FAM161A: variants seen among roughly 807,000 people sequenced by gnomAD.
FAM161A encodes the protein protein FAM161A.
In FAM161A, 57 loss-of-function variants were observed where a neutral mutation model predicts 70.9. The observed-to-expected ratio is 0.80, with a 90% confidence interval of 0.65 to 1.00. The LOEUF (loss-of-function observed/expected upper bound fraction) is 1.00, where lower values mean the gene tolerates loss of function less well. Among genes scored for constraint, FAM161A ranks in the 50% least tolerant of loss-of-function variants. The pLI is 0.00. For missense variants in FAM161A, 880 were observed against 836.0 expected (o/e 1.05, Z -0.65); for synonymous variants, 299 against 295.7 (o/e 1.01, Z -0.12).
At chr2:61,829,212 T>C (rs79689293) in intron 5 of FAM161A, among the ~76,000 whole-genome samples, 177 of 152,340 alleles carry the variant, frequency 1.2e-3, no homozygotes, top group Non-Finnish European at 2.2e-3. Flanking sequence ...TCCTAGGTCT[T>C]TTATATTACA....
At chr2:61,804,696 A>AAGAGAG in the FAM161A span, among the ~76,000 whole-genome samples, 1 of 149,890 alleles carries the variant, frequency 6.7e-6, no homozygotes. Flanking sequence ...AGAGAGAAGA[A>AAGAGAG]AGAGAGAGAG....
At chr2:61,832,804 C>A (rs572207276) in intron 5 of FAM161A, among the ~76,000 whole-genome samples, 1 of 152,216 alleles carries the variant, frequency 6.6e-6, no homozygotes, top group East Asian at 1.9e-4. Context: ...TGAAATGATC[C>A]ATTTCCCGAT....
intron 5 of FAM161A, among the ~76,000 whole-genome samples, chr2:61,827,933 T>C (rs967836382): frequency 6.6e-6 from 1 of 152,194 alleles, no homozygotes; most frequent in Non-Finnish European, 1.5e-5. Context: ...ACAACATGGA[T>C]AGATCTCACA....
At chr2:61,843,443 T>C (rs555966669) in intron 1 of FAM161A, among the ~76,000 whole-genome samples, 3 of 152,328 alleles carry the variant, frequency 2.0e-5, no homozygotes, top group South Asian at 2.1e-4. Flanking sequence ...GTTCTTTTAA[T>C]TGAAGCAACT....
intron 4 of FAM161A, 79 bp downstream of exon 4, chr2:61,838,459 C>T (rs776063642): frequency 1.9e-5 from 23 of 1,191,096 alleles, no homozygotes; most frequent in Admixed American, 6.4e-5. Flanking sequence ...TCAATCTGCT[C>T]ATATTTTACT....
chr2:61,816,795 C>T, the FAM161A span, among the ~76,000 whole-genome samples: 1 of 152,064 alleles, frequency 6.6e-6, no homozygotes, highest in Admixed American at 6.6e-5. Flanking sequence ...AGCAAATGAC[C>T]CTTCATTCTC....
Position 61,824,880 on chromosome 2 carries a change from G to T in FAM161A, c.*1575C>A, listed in dbSNP as rs569433670. On this transcript the variant is annotated 3_prime_UTR_variant, in exon 7 of 7. Coordinates refer to ENST00000404929, the MANE Select transcript of FAM161A (RefSeq NM_001201543.2). ...ACACACTCATTCAAACCTTTATTAA[G>T]TACCTACCATATGTACAATACTGTT... is the stretch of plus-strand genomic sequence containing the variant. 81 of 428,016 alleles carry T rather than the reference G, an allele frequency of 1.9e-4. No homozygotes were observed. The highest frequency in any genetic ancestry group is 1.6e-3 in the African/African-American group (77 of 48,478). 26.5% of individuals were successfully genotyped at this position (428,016 alleles called of 1,614,324 possible). A position where few individuals can be genotyped will look rare whatever the true frequency, so the allele number is the denominator to read the frequency against.
At chr2:61,804,588 G>A in the FAM161A span, among the ~76,000 whole-genome samples, 1 of 151,834 alleles carries the variant, frequency 6.6e-6, no homozygotes, top group Non-Finnish European at 1.5e-5. Flanking sequence ...GGGAGGCTGA[G>A]GCAGGAGAAT....
rs773318148 is a variant in FAM161A, at chr2:61,839,817, G to C, written c.1187C>G (p.Ser396Cys). Residue 396 changes from serine to cysteine, a missense_variant, in exon 3 of 7, where the codon TCT becomes TGT. Transcript: ENST00000404929. ...LRAQEHLQNS[S>C]PLPCRSACGC... ...ACAAGCTGACCTACAAGGCAGAGGA[G>C]ATGAGTTCTGTAAATGCTCCTGGGC... is the stretch of plus-strand genomic sequence containing the variant. 1.2e-6 allele frequency: 2 copies of C among 1,614,208 alleles called. No individual in the cohort carries two copies. Among genetic ancestry groups the C allele is most frequent in the Non-Finnish European group, 1.7e-6 (2 of 1,180,034 alleles).
At chr2:61,849,862 A>C (rs1419094366) in intron 1 of FAM161A, among the ~76,000 whole-genome samples, 3 of 5,516 alleles carry the variant, frequency 5.4e-4, no homozygotes, top group Non-Finnish European at 8.7e-4. Flanking sequence ...ATCTTAAACA[A>C]ATTAACAGAA....
At chr2:61,821,973 T>C (rs1275438948), downstream of FAM161A, among the ~76,000 whole-genome samples, 7 of 151,884 alleles carry the variant, frequency 4.6e-5, no homozygotes, top group Middle Eastern at 6.8e-3. Context: ...TTTACCATGT[T>C]GGTCAGGCTG....
chr2:61,802,592 G>T, the FAM161A span, among the ~76,000 whole-genome samples: 1 of 152,164 alleles, frequency 6.6e-6, no homozygotes, highest in African/African-American at 2.4e-5. Flanking sequence ...AAGTGGACTA[G>T]CTTGGGACAT....
the FAM161A span, among the ~76,000 whole-genome samples, chr2:61,816,885 G>T: frequency 6.6e-6 from 1 of 152,178 alleles, no homozygotes; most frequent in Non-Finnish European, 1.5e-5. Context: ...CAGAGAGGAA[G>T]CAGGGAAAGC....
chr2:61,837,786 A>G (rs1672831011), intron 4 of FAM161A, among the ~76,000 whole-genome samples: 1 of 152,196 alleles, frequency 6.6e-6, no homozygotes, highest in African/African-American at 2.4e-5. Context: ...TCCTAAGGGT[A>G]AGTAATCTAT....
intron 6 of FAM161A, 116 bp from the exon 7 acceptor site, chr2:61,826,715 A>G: frequency 1.2e-6 from 1 of 852,380 alleles, no homozygotes; most frequent in Admixed American, 2.9e-5. Context: ...ATGAATTCCA[A>G]TTTGTTACCA....
the FAM161A span, among the ~76,000 whole-genome samples, chr2:61,815,595 G>C: frequency 7.7e-6 from 1 of 129,864 alleles, no homozygotes; most frequent in South Asian, 2.4e-4. Context: ...CTGTCACCCA[G>C]GCTGGAGTGC....
At position 61,838,693 on chromosome 2, in the gene FAM161A, C is replaced by G; in HGVS notation, c.1596G>C (p.Glu532Asp). The change falls in exon 4 of 7, where the codon GAG becomes GAC. Residue 532 changes from glutamate to aspartate, a missense_variant. Physicochemically the swap from Glu to Asp is conservative, Grantham distance 45. Coordinates refer to ENST00000404929, the MANE Select transcript of FAM161A (RefSeq NM_001201543.2). ...TCTCTTCTTCCAACATTTTCTTTTC[C>G]TCAAGTGATCTCCTGAGGGTAACAA... ...GREQAVRRSL[E>D]EKKMLEEERN... 2.5e-6 allele frequency: 4 copies of G among 1,607,438 alleles called. No homozygotes were observed. The highest frequency in any genetic ancestry group is 2.5e-6 in the Non-Finnish European group (3 of 1,177,474).
chr2:61,839,282 ATATAT>A (rs3074535), intron 3 of FAM161A, 134 bp downstream of exon 3: 302,351 of 740,372 alleles, frequency 0.41, 63,902 homozygotes, highest in East Asian at 0.7. Context: ...ACAAAATATC[ATATAT>A]TATATAGTAA....
intron 2 of FAM161A, 145 bp from the exon 3 acceptor site, chr2:61,840,726 C>T (rs1672991167): frequency 1.5e-6 from 1 of 649,344 alleles, no homozygotes; most frequent in Admixed American, 2.6e-5. Flanking sequence ...TATCGGCTCA[C>T]TGCAACCTCC....
Sources: gnomAD v4.1 joint callset for allele counts (sites outside exome capture counted in the v4.1 genomes callset) on GRCh38, gnomAD v4.1.1 for gene constraint, MANE v1.5 for transcripts, NCBI Gene and HGNC (gene_info 2026-07-23, HGNC 2026-07-21) for gene names.